Variants in PALM2AKAP2 observed in about 807,000 individuals in gnomAD.
The protein encoded by PALM2AKAP2 is PALM2 and AKAP2 fusion.
In PALM2AKAP2, 37 loss-of-function variants were observed where a neutral mutation model predicts 71.5. The ratio of observed to expected loss-of-function variants is 0.52; its 90% CI spans 0.40 to 0.68. The LOEUF (loss-of-function observed/expected upper bound fraction) is 0.68. Among genes scored for constraint, PALM2AKAP2 ranks in the 30% least tolerant of loss-of-function variants. The pLI, the probability that PALM2AKAP2 is intolerant of heterozygous loss-of-function variation, is 0.00. For missense variants in PALM2AKAP2, 1,224 were observed against 1,191.8 expected, an observed-to-expected ratio of 1.03 and a Z score of -0.40; for synonymous variants, 468 against 478.8, an observed-to-expected ratio of 0.98 and a Z score of 0.29.
At chr9:109,642,068 C>T (rs566007626) in intron 1 of PALM2AKAP2, among the ~76,000 whole-genome samples, 2 of 152,124 alleles carry the variant, frequency 1.3e-5, no homozygotes, top group South Asian at 4.1e-4. Flanking sequence ...AAAGATGTTC[C>T]TTACTCACTT....
intron 1 of PALM2AKAP2, among the ~76,000 whole-genome samples, chr9:110,070,607 T>A (rs1189530385): frequency 6.6e-6 from 1 of 152,108 alleles, no homozygotes; most frequent in Admixed American, 6.6e-5. Flanking sequence ...GAAAATCTGT[T>A]TTAAAACTTA....
chr9:109,720,094 T>G lies in PALM2AKAP2; in HGVS notation c.6-60394T>G, dbSNP rs569145019. On this transcript the variant is annotated intron_variant, in intron 1 of 6. Transcript: ENST00000374531. ...ACCTCTGCCTCCTGGGTTCAAGTGA[T>G]TCTCCTGCCTCAGCCTCCTGAGTAG... Among the ~76,000 whole-genome samples the G allele has an allele frequency of 1.9e-4, 29 of 152,202 alleles. No homozygotes were observed. The South Asian group carries it at 6.0e-3, about 32-fold the overall frequency.
chr9:109,714,909 T>C (rs1828293470), intron 1 of PALM2AKAP2, among the ~76,000 whole-genome samples: 1 of 152,214 alleles, frequency 6.6e-6, no homozygotes, highest in South Asian at 2.1e-4. Context: ...TCCCATGGGA[T>C]GGGCTGCCCC....
intron 1 of PALM2AKAP2, among the ~76,000 whole-genome samples, chr9:110,135,685 G>T (rs987361393): frequency 3.3e-5 from 5 of 152,172 alleles, no homozygotes; most frequent in African/African-American, 1.2e-4. Flanking sequence ...ATTCTGCAAA[G>T]ATTTTCCAAA....
intron 6 of PALM2AKAP2, among the ~76,000 whole-genome samples, chr9:109,976,799 G>A (rs1588041162): frequency 6.6e-6 from 1 of 152,138 alleles, no homozygotes; most frequent in African/African-American, 2.4e-5. Context: ...GACATATGAA[G>A]AGTCTGAGGC....
At chr9:110,038,935 CAA>C (rs71373959) in intron 7 of PALM2AKAP2, among the ~76,000 whole-genome samples, 4 of 78,354 alleles carry the variant, frequency 5.1e-5, no homozygotes, top group African/African-American at 1.6e-4. Context: ...AACTCGGTCT[CAA>C]AAAAAAAAAA....
At chr9:109,809,627 G>A (rs921237713) in intron 1 of PALM2AKAP2, among the ~76,000 whole-genome samples, 2 of 152,224 alleles carry the variant, frequency 1.3e-5, no homozygotes, top group Admixed American at 6.5e-5. Flanking sequence ...AATGAGTTAA[G>A]ACTTTGGGGG....
At chr9:110,124,270 T>A (rs7850956) in intron 1 of PALM2AKAP2, among the ~76,000 whole-genome samples, 27,469 of 152,034 alleles carry the variant, frequency 0.18, 2,609 homozygotes, top group Non-Finnish European at 0.2. Flanking sequence ...TGAACCCTGT[T>A]GCATCTTTCA....
chr9:109,686,743 T>A (rs896703819), intron 1 of PALM2AKAP2, among the ~76,000 whole-genome samples: 2 of 152,168 alleles, frequency 1.3e-5, no homozygotes, highest in African/African-American at 2.4e-5. Context: ...TTGTTACATA[T>A]GTATACATGT....
intron 1 of PALM2AKAP2, among the ~76,000 whole-genome samples, chr9:110,053,073 G>A (rs1052257825): frequency 1.3e-5 from 2 of 152,182 alleles, no homozygotes; most frequent in African/African-American, 4.8e-5. Flanking sequence ...GGTGGATTCT[G>A]AGATTGAGGA....
intron 1 of PALM2AKAP2, among the ~76,000 whole-genome samples, chr9:109,752,492 G>A (rs1828900097): frequency 6.6e-6 from 1 of 152,056 alleles, no homozygotes; most frequent in Non-Finnish European, 1.5e-5. Context: ...AGAGAAAGAG[G>A]GATTGAAGAA....
chr9:109,807,157 A>AG (rs71373942), intron 1 of PALM2AKAP2, among the ~76,000 whole-genome samples: 1 of 152,104 alleles, frequency 6.6e-6, no homozygotes, highest in Non-Finnish European at 1.5e-5. Context: ...AGAGAAAAAA[A>AG]AGTCCAGAAT....
At chr9:110,017,014 G>A (rs139603703) in intron 7 of PALM2AKAP2, among the ~76,000 whole-genome samples, 494 of 152,164 alleles carry the variant, frequency 3.2e-3, no homozygotes, top group African/African-American at 0.011. Flanking sequence ...TGAGTAGCTG[G>A]GACTACAGGC....
upstream of PALM2AKAP2, among the ~76,000 whole-genome samples, chr9:109,777,037 G>A (rs1448932378): frequency 2.0e-5 from 3 of 152,194 alleles, no homozygotes; most frequent in African/African-American, 7.2e-5. Context: ...TTCTGATGCA[G>A]ATTTCTGATT....
At chr9:110,133,693 TAGA>T (rs771329509) in intron 1 of PALM2AKAP2, among the ~76,000 whole-genome samples, 1 of 151,108 alleles carries the variant, frequency 6.6e-6, no homozygotes, top group African/African-American at 2.4e-5. Flanking sequence ...CCAAAAAGGA[TAGA>T]AGGAGAGCTC....
chr9:109,669,431 T>G (rs1393813913), intron 1 of PALM2AKAP2, among the ~76,000 whole-genome samples: 1 of 152,104 alleles, frequency 6.6e-6, no homozygotes, highest in Non-Finnish European at 1.5e-5. Context: ...TCTATCAAAT[T>G]TTGGTTCAGA....
chr9:109,983,433 C>T (rs1201082814), intron 6 of PALM2AKAP2, among the ~76,000 whole-genome samples: 1 of 152,048 alleles, frequency 6.6e-6, no homozygotes, highest in African/African-American at 2.4e-5. Context: ...CTTCTCACCC[C>T]ACTCCTCCTT....
chr9:109,931,881 C>T (rs758653185), intron 5 of PALM2AKAP2, 46 bp from the exon 6 acceptor site: 1 of 1,598,984 alleles, frequency 6.3e-7, no homozygotes, highest in Non-Finnish European at 8.5e-7. Flanking sequence ...ACCCATTGGG[C>T]CTCCCAACAC....
At chr9:109,950,544 C>A (rs1564229576) in intron 6 of PALM2AKAP2, among the ~76,000 whole-genome samples, 1 of 152,158 alleles carries the variant, frequency 6.6e-6, no homozygotes, top group Non-Finnish European at 1.5e-5. Flanking sequence ...GTTGTCATGT[C>A]TCAGAAACTA....
Sources: gnomAD v4.1 joint callset for allele counts (sites outside exome capture counted in the v4.1 genomes callset) on GRCh38, gnomAD v4.1.1 for gene constraint, MANE v1.5 for transcripts, NCBI Gene and HGNC (gene_info 2026-07-23, HGNC 2026-07-21) for gene names.